Variants in DENND2D observed in about 807,000 individuals in gnomAD.
The protein encoded by DENND2D is DENN domain-containing protein 2D.
A neutral mutation model predicts 59.8 loss-of-function variants in DENND2D; 37 were observed. The observed-to-expected ratio is 0.62, with a 90% CI of 0.48 to 0.81. The LOEUF (loss-of-function observed/expected upper bound fraction) is 0.81, where lower values mean the gene tolerates loss of function less well. Among genes scored for constraint, DENND2D ranks in the 40% least tolerant of loss-of-function variants. The pLI is 0.00. For synonymous variants in DENND2D, 219 were observed against 211.3 expected (o/e 1.04, Z -0.31); for missense variants, 525 against 579.7 (o/e 0.91, Z 0.97).
At chr1:111,189,137 T>C (rs865796534) in intron 9 of DENND2D, 75 bp downstream of exon 9, 1 of 1,521,182 alleles carries the variant, frequency 6.6e-7, no homozygotes. Context: ...TTTGTTTAAA[T>C]AAGTGGAACA....
In DENND2D at chr1:111,188,351, C is replaced by T; in HGVS notation, c.1119G>A (p.Glu373=). The T allele has an allele frequency of 6.2e-7, 1 of 1,613,798 alleles. No individual in the cohort carries two copies. Residue 373 remains glutamate, a synonymous_variant, in exon 11 of 12, where the codon GAG becomes GAA. Transcript: ENST00000357640. ...ACTGCACAAAGGGGCCTGAAACATG[C>T]TCGTTGATTTGTTCTGCAGCTGCAG... The part of the protein sequence containing the change: ...NELKTAEQIN[E]HVSGPFVQFF...
chr1:111,202,954 C>G (rs749945811), upstream of DENND2D, among the ~76,000 whole-genome samples: 1 of 152,228 alleles, frequency 6.6e-6, no homozygotes, highest in Admixed American at 6.5e-5. Flanking sequence ...TGGAATGTCT[C>G]CTCTGGGCTG....
At chr1:111,197,570 G>A (rs1178158642) in intron 4 of DENND2D, 8 of 1,359,952 alleles carry the variant, frequency 5.9e-6, no homozygotes, top group African/African-American at 1.5e-5. Context: ...GAATCCTCCT[G>A]AGACCTAAGA....
At chr1:111,204,168 G>T, upstream of DENND2D, 2 of 1,025,480 alleles carry the variant, frequency 2.0e-6, no homozygotes, top group Non-Finnish European at 2.6e-6. Flanking sequence ...AGCCTCCTGA[G>T]TCCCCTTCCA....
intron 8 of DENND2D, among the ~76,000 whole-genome samples, chr1:111,191,505 A>G (rs1186237931): frequency 6.6e-6 from 1 of 152,144 alleles, no homozygotes; most frequent in Non-Finnish European, 1.5e-5. Context: ...AACAGCGGGG[A>G]TAGATTTACG....
At chr1:111,192,687 A>G (rs1657890362) in intron 7 of DENND2D, among the ~76,000 whole-genome samples, 1 of 152,192 alleles carries the variant, frequency 6.6e-6, no homozygotes, top group African/African-American at 2.4e-5. Context: ...CTGTGAGCAT[A>G]CCTCACAGAT....
chr1:111,195,799 C>T lies in DENND2D; in HGVS notation c.645+117G>A. The T allele has an allele frequency of 3.5e-6, 5 of 1,438,940 alleles. No homozygotes were observed. The South Asian group carries it at 4.8e-5, about 14-fold the overall frequency. 89.1% of individuals were successfully genotyped at this position (1,438,940 alleles called of 1,614,324 possible). ...GTCCATTCTAACCAAGTCCCAGTCC[C>T]CATCTGGCTCAGTTTCTCTGTACTT... is the stretch of plus-strand genomic sequence containing the variant. On this transcript the variant is annotated intron_variant, in intron 6 of 11. Coordinates refer to ENST00000357640, the MANE Select transcript of DENND2D (RefSeq NM_024901.5).
At chr1:111,196,118 G>T (rs1658204335) in intron 5 of DENND2D, 62 bp from the exon 6 acceptor site, 4 of 1,532,460 alleles carry the variant, frequency 2.6e-6, no homozygotes, top group South Asian at 1.3e-5. Context: ...AGGTGGAAGA[G>T]ACTCTACTTG....
chr1:111,201,266 G>C (rs186498145), upstream of DENND2D: 165 of 152,346 alleles, frequency 1.1e-3, no homozygotes, highest in African/African-American at 3.8e-3. Flanking sequence ...TTTGGAAATA[G>C]CTACAATGGT....
rs187119617 is a variant in DENND2D, at chr1:111,192,287, G to T, written c.825C>A (p.Ala275=). Residue 275 remains alanine (A), a synonymous_variant, in exon 8 of 12, where the codon GCC becomes GCA. Transcript: ENST00000357640. ...CCCAGCTGAAGGGGTAGAGCAGTGC[G>T]GCAGCAGCATGGATGCACTGAGACA... ...STLSQCIHAA[A]ALLYPFSWAH... is the part of the protein sequence containing the mutation. The T allele has an allele frequency of 3.7e-6, 6 of 1,610,794 alleles. No individual in the cohort carries two copies. The highest frequency in any genetic ancestry group is 1.7e-5 in the Admixed American group (1 of 59,804).
intron 8 of DENND2D, among the ~76,000 whole-genome samples, chr1:111,189,998 A>G (rs971907023): frequency 2.0e-5 from 3 of 151,964 alleles, no homozygotes; most frequent in Non-Finnish European, 4.4e-5. Flanking sequence ...CCCTGTCTCT[A>G]CTAAAAACGC....
intron 7 of DENND2D, among the ~76,000 whole-genome samples, chr1:111,192,911 A>C (rs1657915313): frequency 6.6e-6 from 1 of 152,186 alleles, no homozygotes; most frequent in Non-Finnish European, 1.5e-5. Flanking sequence ...TTGCTGCCTG[A>C]GTAGCTTGGG....
rs982751551 is a variant in DENND2D at position 111,197,051 on chromosome 1, A to C, written c.504+125T>G. On this transcript the variant is annotated intron_variant, in intron 5 of 11. Transcript: ENST00000357640. ...ATGCCCCTTTGCCTCAGTTTTCCCA[A>C]GTGTGCTTTAATGCTGACTCTGGCT... The C allele has an allele frequency of 1.9e-5, 22 of 1,129,524 alleles. No homozygotes were observed. The Admixed American group carries it at 3.3e-4, about 17-fold the overall frequency. 70.0% of individuals were successfully genotyped at this position (1,129,524 alleles called of 1,614,324 possible). A position where few individuals can be genotyped will look rare whatever the true frequency, so the allele number is the denominator to read the frequency against.
chr1:111,204,178 A>G, upstream of DENND2D: 1 of 1,089,650 alleles, frequency 9.2e-7, no homozygotes, highest in South Asian at 2.1e-5. Flanking sequence ...GTCCCCTTCC[A>G]ACTGCTCCCG....
chr1:111,188,616 G>T (rs2101442247), intron 10 of DENND2D, 86 bp downstream of exon 10: 1 of 1,326,152 alleles, frequency 7.5e-7, no homozygotes, highest in East Asian at 2.3e-5. Context: ...ACTACTGAAT[G>T]AGTTCATTTT....
intron 2 of DENND2D, among the ~76,000 whole-genome samples, chr1:111,199,198 C>T (rs1036917691): frequency 4.6e-5 from 7 of 152,116 alleles, no homozygotes; most frequent in South Asian, 2.1e-4. Context: ...TGCTTGGGCT[C>T]GGGCAGAGGG....
rs1289517482 is a variant in DENND2D at position 111,199,648 on chromosome 1, G to A, written c.218C>T (p.Pro73Leu). ...KKKRSEDDYE[P>L]IITYQFPKRE... ...CTTGGGAAATTGGTAGGTGATTATA[G>A]GCTCGTAATCATCCTCTGAACGCTT... Residue 73 changes from proline (P) to leucine (L), a missense_variant, in exon 2 of 12, where the codon CCT becomes CTT. Transcript: ENST00000357640. The A allele has an allele frequency of 6.2e-7, 1 of 1,613,852 alleles. No individual in the cohort carries two copies. The highest frequency in any genetic ancestry group is 8.5e-7 in the Non-Finnish European group (1 of 1,179,938).
At chr1:111,204,464 G>A (rs1242567994), upstream of DENND2D, 14 of 1,154,222 alleles carry the variant, frequency 1.2e-5, no homozygotes, top group Admixed American at 8.4e-5. Flanking sequence ...AGGCCTAGGG[G>A]ACAGGTTCGG....
At chr1:111,198,359 G>T (rs1339983696) in intron 3 of DENND2D, among the ~76,000 whole-genome samples, 4 of 152,192 alleles carry the variant, frequency 2.6e-5, no homozygotes, top group African/African-American at 7.2e-5. Flanking sequence ...GCTAAGTCCA[G>T]CTTGGGCCAG....
Sources: allele counts gnomAD v4.1 joint callset (sites outside exome capture counted in the v4.1 genomes callset), GRCh38; gene constraint gnomAD v4.1.1; transcripts MANE v1.5; gene names NCBI Gene and HGNC (gene_info 2026-07-23, HGNC 2026-07-21).